SEL1L2: variants seen among roughly 807,000 people sequenced by gnomAD.
The protein encoded by SEL1L2 is protein sel-1 homolog 2.
Under a neutral mutation model 98.8 loss-of-function variants are expected in SEL1L2, and 89 were observed. The observed-to-expected ratio is 0.90, with a 90% CI of 0.76 to 1.07. SEL1L2 has a LOEUF of 1.07. Ranked by LOEUF, SEL1L2 falls within the 50% of genes least tolerant of loss-of-function variation. The pLI, the probability that SEL1L2 is intolerant of heterozygous loss-of-function variation, is 0.00. For missense variants in SEL1L2, 788 were observed against 812.0 expected (o/e 0.97, Z 0.36); for synonymous variants, 262 against 278.5 (o/e 0.94, Z 0.59).
At chr20:13,961,985 A>T (rs897765532) in intron 1 of SEL1L2, among the ~76,000 whole-genome samples, 14 of 152,206 alleles carry the variant, frequency 9.2e-5, no homozygotes, top group Admixed American at 3.3e-4. Context: ...TTTAGTTTAC[A>T]GGTGCCTGAA....
intron 2 of SEL1L2, among the ~76,000 whole-genome samples, chr20:13,944,224 C>G (rs759996839): frequency 2.0e-5 from 3 of 152,034 alleles, no homozygotes; most frequent in African/African-American, 4.8e-5. Context: ...GGTCAGAGCT[C>G]AGAGAAACAG....
chr20:13,966,252 C>G (rs189986476), intron 1 of SEL1L2, among the ~76,000 whole-genome samples: 10 of 152,224 alleles, frequency 6.6e-5, no homozygotes, highest in Admixed American at 4.6e-4. Context: ...TTTTGGACAT[C>G]ATCAATTGGT....
At position 13,906,707 on chromosome 20, in the gene SEL1L2, C is replaced by T. The variant is rs2047943994; in HGVS notation, c.549+7075G>A. ...TTTTTAAATTTTTTTGAGACAGCGT[C>T]TCACTCTGTCACCCAGGCTGGAGTG... On this transcript the variant is annotated intron_variant, in intron 5 of 19. Transcript: ENST00000284951. Among the ~76,000 whole-genome samples the T allele has an allele frequency of 2.0e-5, 3 of 152,122 alleles. No homozygotes were observed. The South Asian group carries it at 6.2e-4, about 31-fold the overall frequency.
chr20:13,865,252 G>A lies in SEL1L2; in HGVS notation c.1571-11C>T. On this transcript the variant is annotated splice_polypyrimidine_tract_variant and intron_variant, in intron 16 of 19. Coordinates refer to ENST00000284951, the MANE Select transcript of SEL1L2 (RefSeq NM_025229.2). ...GAATGTTAGCCTTTTCTAAAAAGAGGAGACATTCCATTAGGAAGGCTTAAA... is the reference window on the plus strand; with the variant it reads ...GAATGTTAGCCTTTTCTAAAAAGAGAAGACATTCCATTAGGAAGGCTTAAA... 1 of 1,612,642 alleles carries A rather than the reference G, an allele frequency of 6.2e-7. No homozygotes were observed. Among genetic ancestry groups the A allele is most frequent in the Non-Finnish European group, 8.5e-7 (1 of 1,178,800 alleles).
intron 5 of SEL1L2, among the ~76,000 whole-genome samples, chr20:13,911,263 ATTACG>A (rs1003218175): frequency 3.3e-5 from 5 of 152,238 alleles, no homozygotes; most frequent in African/African-American, 1.2e-4. Flanking sequence ...CCATTACTAC[ATTACG>A]TTTGACACAT....
chr20:13,904,511 G>C (rs2047830650), intron 5 of SEL1L2, among the ~76,000 whole-genome samples: 1 of 152,048 alleles, frequency 6.6e-6, no homozygotes. Context: ...CTGGGTGACA[G>C]AGCAAGACTC....
chr20:13,935,672 G>T (rs1257764158), intron 2 of SEL1L2, among the ~76,000 whole-genome samples: 1 of 152,190 alleles, frequency 6.6e-6, no homozygotes, highest in Non-Finnish European at 1.5e-5. Context: ...GGCAGCGCTG[G>T]GGCCAGGTTC....
intron 18 of SEL1L2, 126 bp from the exon 19 acceptor site, chr20:13,850,445 C>A: frequency 1.0e-6 from 1 of 991,770 alleles, no homozygotes; most frequent in Non-Finnish European, 1.5e-6. Flanking sequence ...CATGGATTAT[C>A]CAAGTGGACC....
At chr20:13,857,546 C>A (rs1485290637) in intron 18 of SEL1L2, among the ~76,000 whole-genome samples, 2 of 152,186 alleles carry the variant, frequency 1.3e-5, no homozygotes, top group African/African-American at 4.8e-5. Flanking sequence ...CTGCCTGTCC[C>A]CAGGGACTCA....
intron 18 of SEL1L2, among the ~76,000 whole-genome samples, chr20:13,852,823 CAGG>C (rs922718779): frequency 7.2e-5 from 11 of 152,168 alleles, no homozygotes; most frequent in African/African-American, 2.7e-4. Context: ...TTGCCCGATG[CAGG>C]AGTTTTCCAG....
intron 5 of SEL1L2, among the ~76,000 whole-genome samples, chr20:13,893,318 T>A (rs1358943314): frequency 2.6e-5 from 4 of 152,162 alleles, no homozygotes; most frequent in African/African-American, 9.7e-5. Flanking sequence ...AACTCATTGA[T>A]CTTTTGTTAA....
chr20:13,866,675 T>A, intron 15 of SEL1L2, 27 bp downstream of exon 15: 1 of 1,499,602 alleles, frequency 6.7e-7, no homozygotes, highest in Non-Finnish European at 8.9e-7. Context: ...GACAAGTGCT[T>A]TAAAAACAGC....
chr20:13,920,452 AATC>A (rs924737566), intron 3 of SEL1L2, among the ~76,000 whole-genome samples: 64 of 152,280 alleles, frequency 4.2e-4, no homozygotes, highest in African/African-American at 1.5e-3. Context: ...ATTTTTAAAA[AATC>A]ATCACCAGTT....
intron 5 of SEL1L2, among the ~76,000 whole-genome samples, chr20:13,895,660 A>T (rs1400782295): frequency 2.0e-5 from 3 of 152,352 alleles, no homozygotes; most frequent in African/African-American, 7.2e-5. Context: ...ATGGTAAAAA[A>T]CTGAATGCTT....
intron 5 of SEL1L2, among the ~76,000 whole-genome samples, chr20:13,899,879 C>T (rs1206594024): frequency 6.6e-6 from 1 of 152,238 alleles, no homozygotes; most frequent in Non-Finnish European, 1.5e-5. Flanking sequence ...AAAAATCCTA[C>T]TTGATTAAAT....
chr20:13,900,088 C>T (rs1352061364), intron 5 of SEL1L2, among the ~76,000 whole-genome samples: 1 of 151,944 alleles, frequency 6.6e-6, no homozygotes, highest in Admixed American at 6.6e-5. Flanking sequence ...CCAGTAAAAC[C>T]ATCTGAGTGT....
chr20:13,865,831 C>CTGTGTGTGTGTGTGTGTGTGTG, intron 15 of SEL1L2, among the ~76,000 whole-genome samples: 1 of 149,948 alleles, frequency 6.7e-6, no homozygotes, highest in Admixed American at 6.7e-5. Flanking sequence ...GTGTGTGTGT[C>CTGTGTGTGTGTGTGTGTGTGTG]TGTGTGTGTG....
intron 1 of SEL1L2, among the ~76,000 whole-genome samples, chr20:13,984,204 G>T (rs562720045): frequency 1.3e-5 from 2 of 151,932 alleles, no homozygotes; most frequent in South Asian, 4.2e-4. Flanking sequence ...TAGACATGGG[G>T]TTTCACCATG....
chr20:13,853,364 T>A (rs1376832048), intron 18 of SEL1L2, among the ~76,000 whole-genome samples: 1 of 151,114 alleles, frequency 6.6e-6, no homozygotes, highest in Non-Finnish European at 1.5e-5. Flanking sequence ...TGTGCCACCA[T>A]GCCAGGCTGA....
Sources: gnomAD v4.1 joint callset for allele counts (sites outside exome capture counted in the v4.1 genomes callset) on GRCh38, gnomAD v4.1.1 for gene constraint, MANE v1.5 for transcripts, NCBI Gene and HGNC (gene_info 2026-07-23, HGNC 2026-07-21) for gene names.